CAST: variants seen among roughly 807,000 people sequenced by gnomAD.
CAST encodes the protein calpastatin.
Under a neutral mutation model 119.6 loss-of-function variants are expected in CAST, and 76 were observed. That is an observed-to-expected ratio of 0.64 (90% CI 0.53 to 0.77). CAST has a LOEUF of 0.77. CAST is among the 30% of genes least tolerant of loss of function. The pLI is 0.00. For missense variants in CAST, 953 were observed against 946.5 expected, an observed-to-expected ratio of 1.01 and a Z score of -0.09; for synonymous variants, 319 against 331.6, an observed-to-expected ratio of 0.96 and a Z score of 0.41.
upstream of CAST, among the ~76,000 whole-genome samples, chr5:96,523,855 C>T (rs1745556310): frequency 6.6e-6 from 1 of 152,224 alleles, no homozygotes; most frequent in Admixed American, 6.5e-5. Context: ...AATTTACACA[C>T]ATTTCCACTT....
chr5:96,741,322 G>T lies in CAST; in HGVS notation c.975G>T (p.Gly325=). 6.2e-7 allele frequency: 1 copy of T among 1,613,330 alleles called. No homozygotes were observed. Among genetic ancestry groups the T allele is most frequent in the South Asian group, 1.1e-5 (1 of 91,052 alleles). The change falls in exon 14 of 32, where the codon GGG becomes GGT. Residue 325 remains glycine, a synonymous_variant. Coordinates refer to ENST00000675179, the MANE Select transcript of CAST (RefSeq NM_001750.7). ...CCTTGTCATCTGACTTCACCTGTGG[G>T]TCGCCTACAGCTGCTGGAAAGAAAA... ...IDALSSDFTC[G]SPTAAGKKTE...
At chr5:96,741,028 A>G (rs1275532269) in intron 13 of CAST, 2 of 594,832 alleles carry the variant, frequency 3.4e-6, no homozygotes, top group African/African-American at 1.9e-5. Context: ...AATATTATGC[A>G]TGTTCATAAT....
At chr5:95,995,802 A>G in the CAST span, among the ~76,000 whole-genome samples, 4 of 152,078 alleles carry the variant, frequency 2.6e-5, no homozygotes, top group Non-Finnish European at 5.9e-5. Context: ...TGTCCACTCC[A>G]AACAGCTCCT....
upstream of CAST, among the ~76,000 whole-genome samples, chr5:96,657,731 A>G (rs952038548): frequency 6.6e-6 from 1 of 152,190 alleles, no homozygotes; most frequent in African/African-American, 2.4e-5. Flanking sequence ...GAGAAAAATG[A>G]AAGTTAGTGG....
At chr5:96,185,373 T>TTTGCTTTAGTTGCAA in the CAST span, among the ~76,000 whole-genome samples, 1 of 152,258 alleles carries the variant, frequency 6.6e-6, no homozygotes, top group Admixed American at 6.5e-5. Context: ...TTTGTCAATT[T>TTTGCTTTAGTTGCAA]TTGCTTTTGT....
chr5:96,038,452 A>G, the CAST span, among the ~76,000 whole-genome samples: 1 of 152,090 alleles, frequency 6.6e-6, no homozygotes, highest in South Asian at 2.1e-4. Flanking sequence ...TACACGTGCC[A>G]TGGTAGTTTG....
chr5:96,338,954 G>A, the CAST span, among the ~76,000 whole-genome samples: 1 of 152,146 alleles, frequency 6.6e-6, no homozygotes, highest in African/African-American at 2.4e-5. Context: ...TGCACTGCCA[G>A]GCATTGGCTC....
At chr5:96,728,499 C>CG (rs1759723999) in intron 6 of CAST, 1 of 148,228 alleles carries the variant, frequency 6.7e-6, no homozygotes, top group South Asian at 2.1e-4. Flanking sequence ...GCTTTTGAGA[C>CG]GGAGTCTCGC....
At chr5:96,393,989 G>A in the CAST span, among the ~76,000 whole-genome samples, 1 of 152,232 alleles carries the variant, frequency 6.6e-6, no homozygotes, top group African/African-American at 2.4e-5. Flanking sequence ...TTCCCAGACT[G>A]TGAAGAAAAG....
intron 20 of CAST, among the ~76,000 whole-genome samples, chr5:96,753,598 G>A (rs1349162315): frequency 6.6e-6 from 1 of 152,220 alleles, no homozygotes; most frequent in Non-Finnish European, 1.5e-5. Flanking sequence ...AAGCCCTGTG[G>A]AGAAAACAGG....
At chr5:96,346,488 A>C in the CAST span, among the ~76,000 whole-genome samples, 35 of 152,178 alleles carry the variant, frequency 2.3e-4, no homozygotes, top group Admixed American at 1.8e-3. Context: ...AATTTCCCAA[A>C]TAACAAGTGA....
the CAST span, among the ~76,000 whole-genome samples, chr5:96,143,433 T>C: frequency 6.6e-6 from 1 of 152,202 alleles, no homozygotes; most frequent in East Asian, 1.9e-4. Context: ...CCTGACCCAG[T>C]TGAATTTGCT....
chr5:96,236,594 A>G, the CAST span, among the ~76,000 whole-genome samples: 17,866 of 152,234 alleles, frequency 0.12, 1,253 homozygotes, highest in East Asian at 0.22. Flanking sequence ...ATGAAAGACT[A>G]TACAAATCAT....
At chr5:96,735,175 A>G (rs1761375568) in intron 9 of CAST, among the ~76,000 whole-genome samples, 1 of 152,244 alleles carries the variant, frequency 6.6e-6, no homozygotes, top group Non-Finnish European at 1.5e-5. Context: ...GTACTTACAT[A>G]GTGCTGAGCA....
chr5:96,664,302 CATAT>C (rs1237019161), intron 1 of CAST, among the ~76,000 whole-genome samples: 1 of 149,842 alleles, frequency 6.7e-6, no homozygotes, highest in Admixed American at 6.6e-5. Context: ...AGTGTGTGTG[CATAT>C]ATATATTTAC....
the CAST span, among the ~76,000 whole-genome samples, chr5:96,365,153 C>G: frequency 1.3e-5 from 2 of 152,154 alleles, no homozygotes; most frequent in Non-Finnish European, 2.9e-5. Context: ...TTTCTTAATC[C>G]TGAGTTCTAG....
chr5:96,417,938 G>A, the CAST span, among the ~76,000 whole-genome samples: 1 of 152,176 alleles, frequency 6.6e-6, no homozygotes, highest in Non-Finnish European at 1.5e-5. Context: ...ATATTTCCAT[G>A]TATACAGGAT....
chr5:96,141,846 G>A, the CAST span, among the ~76,000 whole-genome samples: 1 of 152,206 alleles, frequency 6.6e-6, no homozygotes, highest in Non-Finnish European at 1.5e-5. Context: ...GTGACAGAGT[G>A]GAGGGGCGGC....
chr5:96,361,566 C>A, the CAST span, among the ~76,000 whole-genome samples: 1 of 152,336 alleles, frequency 6.6e-6, no homozygotes, highest in South Asian at 2.1e-4. Flanking sequence ...TCCCTCCTGG[C>A]TTCCCTTGGC....
Sources: allele counts gnomAD v4.1 joint callset (sites outside exome capture counted in the v4.1 genomes callset), GRCh38; gene constraint gnomAD v4.1.1; transcripts MANE v1.5; gene names NCBI Gene and HGNC (gene_info 2026-07-23, HGNC 2026-07-21).